SNX13: variants seen among roughly 807,000 people sequenced by gnomAD.
SNX13 encodes the protein sorting nexin-13.
Under a neutral mutation model 133.6 loss-of-function variants are expected in SNX13, and 45 were observed. That is an observed-to-expected ratio of 0.34 (90% confidence interval 0.27 to 0.43). SNX13 has a LOEUF of 0.43. Ranked by LOEUF, SNX13 falls within the 20% of genes least tolerant of loss-of-function variation. The pLI, the probability that SNX13 is intolerant of heterozygous loss-of-function variation, is 1.00. For synonymous variants in SNX13, 414 were observed against 373.9 expected (o/e 1.11, Z -1.24); for missense variants, 1,032 against 1,145.1 (o/e 0.90, Z 1.43).
chr7:17,849,750 T>C (rs1401009610), intron 11 of SNX13, among the ~76,000 whole-genome samples: 2 of 152,206 alleles, frequency 1.3e-5, no homozygotes, highest in Non-Finnish European at 2.9e-5. Context: ...CTCTCATGAC[T>C]GCCTCTAAGA....
chr7:17,863,333 T>C (rs1792969762), intron 9 of SNX13, among the ~76,000 whole-genome samples: 1 of 152,170 alleles, frequency 6.6e-6, no homozygotes, highest in African/African-American at 2.4e-5. Context: ...TATGACCCAG[T>C]GTAACACCAG....
Position 17,897,316 on chromosome 7 carries a change from A to T in SNX13, c.125+18T>A. ...GATATGACACATGAATTATAAAATT[A>T]TAATTGAGTATACTTACCCACCCAC... On this transcript the variant is annotated intron_variant, in intron 2 of 25. Transcript: ENST00000428135. The T allele has an allele frequency of 2.2e-6, 3 of 1,343,200 alleles. No homozygotes were observed. The highest frequency in any genetic ancestry group is 3.0e-6 in the Non-Finnish European group (3 of 984,374). The allele number at this position is 1,343,200 out of a possible 1,614,324, so 83.2% of individuals were successfully genotyped here. A position where few individuals can be genotyped will look rare whatever the true frequency, so the allele number is the denominator to read the frequency against.
intron 7 of SNX13, among the ~76,000 whole-genome samples, chr7:17,874,997 T>C (rs1794552751): frequency 6.6e-6 from 1 of 152,038 alleles, no homozygotes. Context: ...ATTTTAAAAG[T>C]AGATTGATAA....
chr7:17,825,991 A>G, intron 17 of SNX13, 31 bp downstream of exon 17: 1 of 1,376,470 alleles, frequency 7.3e-7, no homozygotes, highest in Non-Finnish European at 9.8e-7. Context: ...ACATAGTTTT[A>G]ATGCAATAAT....
intron 12 of SNX13, among the ~76,000 whole-genome samples, chr7:17,845,380 A>C (rs1790381743): frequency 1.3e-5 from 2 of 152,176 alleles, no homozygotes; most frequent in Admixed American, 1.3e-4. Flanking sequence ...TGAGAGTGTG[A>C]GGAATGGAGA....
At chr7:17,842,278 A>C (rs532693589) in intron 12 of SNX13, among the ~76,000 whole-genome samples, 2 of 152,172 alleles carry the variant, frequency 1.3e-5, no homozygotes, top group African/African-American at 4.8e-5. Context: ...TTCTTTCAAG[A>C]AACTTTGGAG....
chr7:17,806,586 G>C (rs896295147), intron 20 of SNX13, among the ~76,000 whole-genome samples: 1 of 152,060 alleles, frequency 6.6e-6, no homozygotes, highest in Non-Finnish European at 1.5e-5. Flanking sequence ...AAAAATGTGT[G>C]TTATTGTGGA....
chr7:17,839,770 G>A (rs768817380), intron 13 of SNX13, 37 bp downstream of exon 13: 4 of 1,513,882 alleles, frequency 2.6e-6, no homozygotes, highest in African/African-American at 2.8e-5. Flanking sequence ...TAATAATACT[G>A]CTAAAGAAGA....
At position 17,893,350 on chromosome 7, in the gene SNX13, T is replaced by A; in HGVS notation, c.210A>T (p.Thr70=). ...EQCEHSFLPP[T]SPGVPKCLEE... ...GATTTACCTTAGGAACCCCAGGTGA[T>A]GTTGGAGGAAGAAATGAGTGTTCAC... Residue 70 remains threonine (T), a synonymous_variant, in exon 3 of 26, where the codon ACA becomes ACT. Transcript: ENST00000428135. 1.3e-6 allele frequency: 2 copies of A among 1,574,152 alleles called. No homozygotes were observed. The highest frequency in any genetic ancestry group is 3.3e-4 in the Middle Eastern group (2 of 6,012).
chr7:17,801,009 CATATATATATATATATATAT>C lies in SNX13; in HGVS notation c.2298+559_2298+578del, dbSNP rs71010273. Among the ~76,000 whole-genome samples, 871 of 120,158 alleles carry C rather than the reference CATATATATATATATATATAT, an allele frequency of 7.2e-3. 18 individuals carry two copies. The highest frequency in any genetic ancestry group is 0.011 in the Non-Finnish European group (576 of 53,494). 78.8% of individuals were successfully genotyped at this position (120,158 alleles called of 152,430 possible). On this transcript the variant is annotated intron_variant, in intron 22 of 25. Transcript: ENST00000428135. The stretch of plus-strand genomic sequence containing the variant: ...CTTGGCAGTATCTACTAAAACTGAA[CATATATATATATATATATAT>C]ATATATATATATATATATATATATA...
At chr7:17,891,498 A>G (rs145588646) in intron 4 of SNX13, 48 bp downstream of exon 4, 35 of 1,382,732 alleles carry the variant, frequency 2.5e-5, no homozygotes, top group Non-Finnish European at 3.2e-5. Flanking sequence ...AAAGAAATAT[A>G]CCTAGAACAC....
chr7:17,930,853 T>C (rs889785535), intron 1 of SNX13, among the ~76,000 whole-genome samples: 31 of 152,106 alleles, frequency 2.0e-4, no homozygotes, highest in Non-Finnish European at 3.2e-4. Flanking sequence ...TAGATTCTCA[T>C]AGGAGCACTA....
intron 2 of SNX13, among the ~76,000 whole-genome samples, chr7:17,895,200 A>G (rs2127997233): frequency 6.6e-6 from 1 of 152,354 alleles, no homozygotes; most frequent in South Asian, 2.1e-4. Flanking sequence ...GATAAAGAGC[A>G]GTCTGATTTT....
intron 1 of SNX13, among the ~76,000 whole-genome samples, chr7:17,918,301 C>T (rs1213355657): frequency 6.6e-6 from 1 of 151,914 alleles, no homozygotes. Context: ...AAACTAAAGA[C>T]CTTCTGCACA....
At chr7:17,794,341 G>T (rs189590793) in intron 25 of SNX13, 49 bp from the exon 26 acceptor site, 8 of 1,564,296 alleles carry the variant, frequency 5.1e-6, no homozygotes, top group Middle Eastern at 4.2e-4. Flanking sequence ...GGAAACACAA[G>T]GCCTAAACTC....
chr7:17,876,213 GAATTCTCCACAT>G (rs1794706066), intron 5 of SNX13, among the ~76,000 whole-genome samples: 1 of 152,162 alleles, frequency 6.6e-6, no homozygotes, highest in Non-Finnish European at 1.5e-5. Flanking sequence ...AACTCTTTCT[GAATTCTCCACAT>G]TCATCTTTTT....
At chr7:17,931,299 G>A (rs1801365487) in intron 1 of SNX13, among the ~76,000 whole-genome samples, 1 of 152,142 alleles carries the variant, frequency 6.6e-6, no homozygotes, top group Admixed American at 6.5e-5. Context: ...CAATATTACA[G>A]CTTGGAGAAA....
At chr7:17,900,727 G>C (rs1797729379) in intron 1 of SNX13, among the ~76,000 whole-genome samples, 1 of 151,986 alleles carries the variant, frequency 6.6e-6, no homozygotes, top group Non-Finnish European at 1.5e-5. Flanking sequence ...CTCTGGCTCA[G>C]GGTAGGTCAT....
chr7:17,829,907 G>T, intron 16 of SNX13, 103 bp downstream of exon 16: 1 of 763,554 alleles, frequency 1.3e-6, no homozygotes, highest in Non-Finnish European at 2.0e-6. Context: ...ACTAAAGGAT[G>T]ATTTGGGGCC....
Sources: gnomAD v4.1 joint callset for allele counts (sites outside exome capture counted in the v4.1 genomes callset) on GRCh38, gnomAD v4.1.1 for gene constraint, MANE v1.5 for transcripts, NCBI Gene and HGNC (gene_info 2026-07-23, HGNC 2026-07-21) for gene names.